The following XCR1 variants were observed in gnomAD, a reference collection of about 807,000 sequenced individuals.
XCR1 encodes chemokine XC receptor 1.
For synonymous variants in XCR1, 187 were observed against 188.5 expected (o/e 0.99, Z 0.06); for missense variants, 356 against 424.2 (o/e 0.84, Z 1.41).
chr3:46,023,151 G>T, intron 1 of XCR1: 1 of 387,658 alleles, frequency 2.6e-6, no homozygotes, highest in Non-Finnish European at 4.6e-6. Context: ...GCAGGGGGCG[G>T]GCCCGTGGCG....
chr3:46,029,893 A>G (rs1404851362), upstream of XCR1, among the ~76,000 whole-genome samples: 3 of 152,100 alleles, frequency 2.0e-5, no homozygotes, highest in African/African-American at 7.2e-5. Flanking sequence ...ATTCTTGGTT[A>G]AATTTATTCC....
At chr3:46,043,054 G>C (rs1457719631) in intron 5 of XCR1, among the ~76,000 whole-genome samples, 1 of 152,158 alleles carries the variant, frequency 6.6e-6, no homozygotes, top group Non-Finnish European at 1.5e-5. Flanking sequence ...CACTTTAATA[G>C]AATATAAGGA....
intron 5 of XCR1, among the ~76,000 whole-genome samples, chr3:46,052,184 T>C (rs759267799): frequency 2.0e-5 from 3 of 152,184 alleles, no homozygotes; most frequent in African/African-American, 7.2e-5. Context: ...GGTGGGAACT[T>C]TGATGGGTTT....
chr3:46,023,258 T>G (rs1234026135), intron 1 of XCR1: 1 of 659,464 alleles, frequency 1.5e-6, no homozygotes, highest in Non-Finnish European at 2.7e-6. Flanking sequence ...CCATGTTCCC[T>G]GGCCCCACCG....
chr3:46,057,506 T>C (rs1278033669), intron 4 of XCR1, among the ~76,000 whole-genome samples: 2 of 152,214 alleles, frequency 1.3e-5, no homozygotes, highest in Non-Finnish European at 2.9e-5. Flanking sequence ...TGTACTTTAA[T>C]TATACCTTGT....
chr3:46,079,428 A>G (rs1399316139), intron 1 of XCR1, among the ~76,000 whole-genome samples: 1 of 152,178 alleles, frequency 6.6e-6, no homozygotes, highest in African/African-American at 2.4e-5. Context: ...AATTGCCTCA[A>G]TCCAAGAGGT....
intron 3 of XCR1, among the ~76,000 whole-genome samples, chr3:46,074,497 G>A (rs1217017577): frequency 6.6e-6 from 1 of 151,932 alleles, no homozygotes; most frequent in Non-Finnish European, 1.5e-5. Context: ...TGAAGGATGA[G>A]AAATTATTTA....
At chr3:46,023,673 C>G (rs1708218125) in intron 1 of XCR1, 2 of 1,442,342 alleles carry the variant, frequency 1.4e-6, no homozygotes, top group South Asian at 1.2e-5. Context: ...CAGAGAAACG[C>G]CTGCTTGAGA....
chr3:46,057,943 T>A (rs951786676), intron 4 of XCR1, among the ~76,000 whole-genome samples: 3 of 145,758 alleles, frequency 2.1e-5, no homozygotes, highest in Non-Finnish European at 4.5e-5. Flanking sequence ...TACGCATCCA[T>A]CTATCTATCT....
rs1010497474 is a variant in XCR1 at position 46,070,580 on chromosome 3, A to G, written c.-262-3602T>C. ...AAGGTGTGTTTTATCTGATACAACT[A>G]TAGCTACTCCTGCTTCCTTTTGGTT... is the stretch of plus-strand genomic sequence containing the variant. On this transcript the variant is annotated intron_variant, in intron 3 of 5. Coordinates refer to the XCR1 transcript ENST00000683768. Among the ~76,000 whole-genome samples the G allele has an allele frequency of 4.6e-5, 7 of 152,074 alleles. No individual in the cohort carries two copies. The South Asian group carries it at 6.2e-4, about 14-fold the overall frequency.
chr3:46,021,706 G>C lies in XCR1; in HGVS notation c.242C>G (p.Ala81Gly). ...LNLCLSDLVF[A>G]CLLPVWISPY... ...GGAGATCCACACAGGCAACAAGCAG[G>C]CGAACACCAGGTCTGAGAGGCACAG... is the stretch of plus-strand genomic sequence containing the variant. The change falls in exon 2 of 2, where the codon GCC becomes GGC. Residue 81 changes from alanine to glycine, a missense_variant. Physicochemically the swap from Ala to Gly is moderately conservative, Grantham distance 60. Transcript: ENST00000309285. This position sits in a 1 kb window ranked among gnomAD's most constrained non-coding sequence, Gnocchi z 4.7. The C allele has an allele frequency of 6.2e-7, 1 of 1,614,102 alleles. No homozygotes were observed.
chr3:46,036,308 A>G (rs985784402), intron 5 of XCR1, among the ~76,000 whole-genome samples: 1 of 152,196 alleles, frequency 6.6e-6, no homozygotes, highest in Non-Finnish European at 1.5e-5. Flanking sequence ...TCAAACTGCT[A>G]TGGAAACTGC....
chr3:46,032,120 C>A (rs530032808), upstream of XCR1, among the ~76,000 whole-genome samples: 2 of 152,348 alleles, frequency 1.3e-5, no homozygotes, highest in South Asian at 2.1e-4. Context: ...TTGGACCCAC[C>A]AAATGGTGAC....
At chr3:46,031,833 T>C (rs1348186414), upstream of XCR1, among the ~76,000 whole-genome samples, 1 of 152,144 alleles carries the variant, frequency 6.6e-6, no homozygotes, top group South Asian at 2.1e-4. Flanking sequence ...GAAGAGACAA[T>C]GGGATGACCT....
chr3:46,080,184 CAAA>C (rs202215316), intron 1 of XCR1, among the ~76,000 whole-genome samples: 3 of 132,050 alleles, frequency 2.3e-5, no homozygotes, highest in Non-Finnish European at 1.7e-5. Context: ...GTCCTTGTCT[CAAA>C]AAAAAAAAAA....
chr3:46,078,511 A>C (rs868118139), intron 1 of XCR1, among the ~76,000 whole-genome samples: 5 of 152,084 alleles, frequency 3.3e-5, no homozygotes, highest in Admixed American at 1.3e-4. Context: ...AATGGGCAGG[A>C]GATTTGGGTT....
intron 3 of XCR1, among the ~76,000 whole-genome samples, chr3:46,068,137 C>T (rs1464899747): frequency 1.3e-5 from 2 of 152,196 alleles, no homozygotes; most frequent in Non-Finnish European, 2.9e-5. Context: ...AGTTCTAGGG[C>T]TGATGCAGCA....
Position 46,020,820 on chromosome 3 carries a change from C to T in XCR1, c.*126G>A, listed in dbSNP as rs1318339245. The T allele has an allele frequency of 2.3e-6, 3 of 1,296,240 alleles. No individual in the cohort carries two copies. The highest frequency in any genetic ancestry group is 3.1e-6 in the Non-Finnish European group (3 of 970,556). 80.3% of individuals were successfully genotyped at this position (1,296,240 alleles called of 1,614,324 possible). A position where few individuals can be genotyped will look rare whatever the true frequency, so the allele number is the denominator to read the frequency against. ...GGTGTAATGAATGACCTTCACTGCA[C>T]GCCTGCAGCGGAGGAGACGTCTCCA... On this transcript the variant is annotated 3_prime_UTR_variant, in exon 2 of 2. Coordinates refer to ENST00000309285, the MANE Select transcript of XCR1 (RefSeq NM_001024644.2).
intron 4 of XCR1, among the ~76,000 whole-genome samples, chr3:46,063,019 AC>A (rs1343712519): frequency 6.6e-6 from 1 of 152,138 alleles, no homozygotes; most frequent in Non-Finnish European, 1.5e-5. Context: ...TCCTTTAGAG[AC>A]CTGGTTGTTA....
Sources: gnomAD v4.1 joint callset for allele counts (sites outside exome capture counted in the v4.1 genomes callset) on GRCh38, gnomAD v4.1.1 for gene constraint, Gnocchi (gnomAD v3.1) non-coding constraint, MANE v1.5 for transcripts, NCBI Gene and HGNC (gene_info 2026-07-23, HGNC 2026-07-21) for gene names.